Variants in NTRK3 observed in about 807,000 individuals in gnomAD.
NTRK3 encodes neurotrophic receptor tyrosine kinase 3.
A neutral mutation model predicts 91.7 loss-of-function variants in NTRK3; 24 were observed. The ratio of observed to expected loss-of-function variants is 0.26; its 90% confidence interval spans 0.19 to 0.37. NTRK3 has a LOEUF of 0.37. Ranked by LOEUF, NTRK3 falls within the 10% of genes least tolerant of loss-of-function variation. The pLI is 1.00. For missense variants in NTRK3, 880 were observed against 1,068.9 expected (o/e 0.82, Z 2.46); for synonymous variants, 483 against 404.0 (o/e 1.20, Z -2.34).
intron 5 of NTRK3, among the ~76,000 whole-genome samples, chr15:88,170,817 C>T (rs1466450976): frequency 6.6e-6 from 1 of 152,126 alleles, no homozygotes; most frequent in Non-Finnish European, 1.5e-5. Flanking sequence ...TCCCCTAAGC[C>T]CAACCCCAGG....
intron 14 of NTRK3, among the ~76,000 whole-genome samples, chr15:87,975,958 C>T (rs2073678879): frequency 6.6e-6 from 1 of 152,144 alleles, no homozygotes; most frequent in Admixed American, 6.5e-5. Context: ...ATGGGAAGAG[C>T]ACTCCCTCCA....
intron 5 of NTRK3, among the ~76,000 whole-genome samples, chr15:88,152,341 C>G (rs1384864657): frequency 6.6e-6 from 1 of 152,052 alleles, no homozygotes; most frequent in Admixed American, 6.5e-5. Context: ...AAATCCTAAC[C>G]CCCATTGTGT....
At chr15:88,106,336 G>T (rs983553890) in intron 13 of NTRK3, among the ~76,000 whole-genome samples, 2 of 152,230 alleles carry the variant, frequency 1.3e-5, no homozygotes, top group Non-Finnish European at 2.9e-5. Flanking sequence ...AGCAACCCTG[G>T]CCTGTGTCTT....
intron 5 of NTRK3, among the ~76,000 whole-genome samples, chr15:88,162,594 A>T (rs1361989255): frequency 6.6e-6 from 1 of 152,226 alleles, no homozygotes; most frequent in Non-Finnish European, 1.5e-5. Flanking sequence ...CACTCAGCAT[A>T]CGCGCTAAAT....
At chr15:88,087,536 A>G (rs1223287143) in intron 13 of NTRK3, among the ~76,000 whole-genome samples, 2 of 152,140 alleles carry the variant, frequency 1.3e-5, no homozygotes, top group East Asian at 3.9e-4. Flanking sequence ...GTAGGCAGGA[A>G]CATTACCTGT....
chr15:88,103,874 G>A (rs1191730747), intron 13 of NTRK3, among the ~76,000 whole-genome samples: 1 of 152,216 alleles, frequency 6.6e-6, no homozygotes, highest in Non-Finnish European at 1.5e-5. Flanking sequence ...ATATCCTAGA[G>A]GTTGTGGCTG....
intron 3 of NTRK3, among the ~76,000 whole-genome samples, chr15:88,189,286 A>G (rs1337717523): frequency 6.6e-6 from 1 of 152,242 alleles, no homozygotes; most frequent in African/African-American, 2.4e-5. Flanking sequence ...ACCAGGTCCC[A>G]GAGACCTAGG....
At chr15:87,967,253 G>T (rs1467778995) in intron 14 of NTRK3, among the ~76,000 whole-genome samples, 1 of 152,174 alleles carries the variant, frequency 6.6e-6, no homozygotes, top group Non-Finnish European at 1.5e-5. Context: ...TATAAATGAT[G>T]AACAGGAAGA....
chr15:87,984,724 A>T (rs980825808), intron 14 of NTRK3, among the ~76,000 whole-genome samples: 2 of 152,200 alleles, frequency 1.3e-5, no homozygotes, highest in Non-Finnish European at 2.9e-5. Flanking sequence ...GGGAGATCTC[A>T]CATTTAAAAT....
intron 13 of NTRK3, among the ~76,000 whole-genome samples, chr15:88,053,210 A>G (rs1282820769): frequency 6.6e-6 from 1 of 152,166 alleles, no homozygotes; most frequent in Non-Finnish European, 1.5e-5. Context: ...GCCACAAAGG[A>G]AGGTGCAGCA....
intron 14 of NTRK3, among the ~76,000 whole-genome samples, chr15:88,018,918 C>A (rs2077421038): frequency 6.6e-6 from 1 of 151,878 alleles, no homozygotes; most frequent in South Asian, 2.1e-4. Context: ...TTTTACTACT[C>A]CCCCTTTTCC....
intron 17 of NTRK3, among the ~76,000 whole-genome samples, chr15:87,886,979 T>A (rs2065592619): frequency 6.6e-6 from 1 of 151,830 alleles, no homozygotes; most frequent in South Asian, 2.1e-4. Context: ...AAAATAGAAG[T>A]CAGGAATATA....
chr15:88,063,151 A>G (rs1011033933), intron 13 of NTRK3, among the ~76,000 whole-genome samples: 1 of 152,246 alleles, frequency 6.6e-6, no homozygotes, highest in Non-Finnish European at 1.5e-5. Flanking sequence ...TGCTGTGAAG[A>G]TTAATTCAGG....
At chr15:88,081,841 T>C (rs2048072181) in intron 13 of NTRK3, among the ~76,000 whole-genome samples, 1 of 152,216 alleles carries the variant, frequency 6.6e-6, no homozygotes, top group East Asian at 1.9e-4. Context: ...GCATTTCTCA[T>C]GAGGCTGAGG....
At chr15:88,085,858 T>G (rs558177594) in intron 13 of NTRK3, among the ~76,000 whole-genome samples, 1 of 152,212 alleles carries the variant, frequency 6.6e-6, no homozygotes, top group African/African-American at 2.4e-5. Flanking sequence ...TGCTGGCCAA[T>G]AGGGATACAG....
chr15:87,970,655 C>T (rs1567166946), intron 14 of NTRK3, among the ~76,000 whole-genome samples: 1 of 152,178 alleles, frequency 6.6e-6, no homozygotes, highest in Admixed American at 6.5e-5. Context: ...CTAATGCAAA[C>T]TGTGAAACTC....
chr15:88,105,110 T>C (rs2050563784), intron 13 of NTRK3, among the ~76,000 whole-genome samples: 1 of 152,152 alleles, frequency 6.6e-6, no homozygotes, highest in Non-Finnish European at 1.5e-5. Context: ...CTAGAAAGTA[T>C]CATCATAAAT....
In NTRK3 at chr15:87,995,490, T is replaced by C. The variant is rs151103318; in HGVS notation, c.1585+37367A>G. On this transcript the variant is annotated intron_variant, in intron 14 of 18. Coordinates refer to ENST00000394480, the Ensembl canonical transcript of NTRK3. Reference sequence around the variant, plus strand: ...GAATAAAGCACCACACTGACAGCCATAGTGGGGAAGTACAAGACACACTTG... The same window carrying C: ...GAATAAAGCACCACACTGACAGCCACAGTGGGGAAGTACAAGACACACTTG... 5.9e-3 allele frequency among the ~76,000 whole-genome samples: 897 copies of C among 152,150 alleles called. 11 individuals are homozygous for C. Among genetic ancestry groups the C allele is most frequent in the African/African-American group, 0.02 (851 of 41,522 alleles).
chr15:88,004,242 G>T (rs564558239), intron 14 of NTRK3, among the ~76,000 whole-genome samples: 21 of 152,218 alleles, frequency 1.4e-4, no homozygotes, highest in African/African-American at 5.1e-4. Flanking sequence ...CTCCAAGAGG[G>T]ACTATGCCAG....
Sources: allele counts gnomAD v4.1 joint callset (sites outside exome capture counted in the v4.1 genomes callset), GRCh38; gene constraint gnomAD v4.1.1; transcripts MANE v1.5; gene names NCBI Gene and HGNC (gene_info 2026-07-23, HGNC 2026-07-21).